The following PDGFRB variants were observed in gnomAD, a reference collection of about 807,000 sequenced individuals.
PDGFRB encodes the protein platelet derived growth factor receptor beta.
Under a neutral mutation model 120.2 loss-of-function variants are expected in PDGFRB, and 42 were observed. The ratio of observed to expected loss-of-function variants is 0.35; its 90% CI spans 0.27 to 0.45. PDGFRB has a LOEUF of 0.45. Among genes scored for constraint, PDGFRB ranks in the 20% least tolerant of loss-of-function variants. PDGFRB has a pLI of 1.00. For synonymous variants in PDGFRB, 586 were observed against 606.8 expected (o/e 0.97, Z 0.50); for missense variants, 1,149 against 1,476.3 (o/e 0.78, Z 3.63).
chr5:150,133,787 C>A (rs369845923), intron 5 of PDGFRB, 27 bp from the exon 6 acceptor site: 3 of 1,612,672 alleles, frequency 1.9e-6, no homozygotes, highest in Admixed American at 3.3e-5. Flanking sequence ...GGCAGGCCCC[C>A]CAAATCAGGA....
chr5:150,151,186 A>C (rs1580824326), intron 1 of PDGFRB, among the ~76,000 whole-genome samples: 1 of 152,224 alleles, frequency 6.6e-6, no homozygotes, highest in Admixed American at 6.5e-5. Flanking sequence ...GTACACAGCA[A>C]GGCTTGTGCA....
intron 22 of PDGFRB, 79 bp downstream of exon 22, chr5:150,117,527 AGCGCGCGCGCGC>A (rs148754488): frequency 3.6e-6 from 2 of 557,318 alleles, no homozygotes; most frequent in Non-Finnish European, 6.4e-6. Flanking sequence ...CAAACCTGGC[AGCGCGCGCGCGC>A]GCGCGCACAC....
At chr5:150,119,054 T>A (rs1291164949) in intron 20 of PDGFRB, among the ~76,000 whole-genome samples, 2 of 152,228 alleles carry the variant, frequency 1.3e-5, no homozygotes, top group African/African-American at 4.8e-5. Context: ...TTCCACATGG[T>A]TCCACAGGTT....
intron 1 of PDGFRB, among the ~76,000 whole-genome samples, chr5:150,144,411 C>G (rs2113924331): frequency 6.6e-6 from 1 of 152,308 alleles, no homozygotes. Context: ...CAAGCCAGGC[C>G]CTCACACTCG....
At chr5:150,150,614 G>C (rs1761050970) in intron 1 of PDGFRB, among the ~76,000 whole-genome samples, 1 of 152,142 alleles carries the variant, frequency 6.6e-6, no homozygotes, top group Non-Finnish European at 1.5e-5. Context: ...GTGGATGTAG[G>C]GGGCGGGGGC....
Position 150,114,850 on chromosome 5 carries a change from G to C in PDGFRB, c.*913C>G, listed in dbSNP as rs901979961. 1 of 233,462 alleles carries C rather than the reference G, an allele frequency of 4.3e-6. No individual in the cohort carries two copies. The highest frequency in any genetic ancestry group is 8.5e-6 in the Non-Finnish European group (1 of 118,090). The allele number at this position is 233,462 out of a possible 1,614,324, so 14.5% of individuals were successfully genotyped here. A position where few individuals can be genotyped will look rare whatever the true frequency, so the allele number is the denominator to read the frequency against. On this transcript the variant is annotated 3_prime_UTR_variant, in exon 23 of 23. Coordinates refer to ENST00000261799, the MANE Select transcript of PDGFRB (RefSeq NM_002609.4). ...GAAACTGAGGCCCAGAGAGGGTGAG[G>C]GATTCCTCCAAAGCCTCATAGCAGG... is the stretch of plus-strand genomic sequence containing the variant.
chr5:150,121,058 A>G lies in PDGFRB; in HGVS notation c.2464-48T>C, dbSNP rs1464859980. ...TGAGGCCTTGGGGACAATTGTGGGG[A>G]AAGACCCTTCATGTCAAGGGCTTTG... On this transcript the variant is annotated intron_variant, in intron 17 of 22. Coordinates refer to ENST00000261799, the MANE Select transcript of PDGFRB (RefSeq NM_002609.4). The surrounding 1 kb of genome is among the most constrained non-coding windows in gnomAD (Gnocchi z 4.1). The G allele has an allele frequency of 1.2e-6, 2 of 1,602,788 alleles. No individual in the cohort carries two copies. Among genetic ancestry groups the G allele is most frequent in the Non-Finnish European group, 1.7e-6 (2 of 1,170,050 alleles).
At position 150,118,813 on chromosome 5, in the gene PDGFRB, C is replaced by G. The variant is rs761730723; in HGVS notation, c.2838G>C (p.Glu946Asp). ...IMQKCWEEKF[E>D]IRPPFSQLVL... ...CCAGCTGGGAGAAGGGGGGCCGAATCTCAAACTTCTCTTCCCAGCACTTCT... is the reference window on the plus strand; with the variant it reads ...CCAGCTGGGAGAAGGGGGGCCGAATGTCAAACTTCTCTTCCCAGCACTTCT... The change falls in exon 21 of 23, where the codon GAG (glutamate) becomes GAC (aspartate). Residue 946 changes from glutamate to aspartate, a missense_variant. Transcript: ENST00000261799. The G allele has an allele frequency of 6.2e-6, 10 of 1,613,374 alleles. No homozygotes were observed. In the South Asian group the frequency reaches 1.1e-4, roughly 18 times the overall value.
chr5:150,119,129 G>A (rs539921329), intron 20 of PDGFRB, among the ~76,000 whole-genome samples: 2 of 152,352 alleles, frequency 1.3e-5, no homozygotes, highest in South Asian at 2.1e-4. Flanking sequence ...CAGCTTCCAC[G>A]GTTGGTTCTT....
chr5:150,148,962 G>T (rs776506941), intron 1 of PDGFRB, among the ~76,000 whole-genome samples: 2 of 152,226 alleles, frequency 1.3e-5, no homozygotes, highest in Non-Finnish European at 2.9e-5. Flanking sequence ...GGGCTCTTCA[G>T]CAAACAGGTA....
In PDGFRB at chr5:150,137,007, C is replaced by T. The variant is rs1760652277; in HGVS notation, c.40+1G>A. ...CCCTACCTTATCTCCCATCTACCCA[C>T]CTTTGAGGGCCAGAGCTGGCATCGC... On this transcript the variant is annotated splice_donor_variant, in intron 2 of 22. Coordinates refer to ENST00000261799, the MANE Select transcript of PDGFRB (RefSeq NM_002609.4). LOFTEE classifies it high-confidence loss of function. 1 of 1,613,186 alleles carries T rather than the reference C, an allele frequency of 6.2e-7. No homozygotes were observed. Among genetic ancestry groups the T allele is most frequent in the Non-Finnish European group, 8.5e-7 (1 of 1,179,272 alleles).
At chr5:150,134,285 T>C (rs1760561113) in intron 4 of PDGFRB, among the ~76,000 whole-genome samples, 1 of 152,200 alleles carries the variant, frequency 6.6e-6, no homozygotes, top group Admixed American at 6.5e-5. Flanking sequence ...TGGAGATCTA[T>C]GTACAGGAGA....
rs760980000 is a variant in PDGFRB, at chr5:150,120,981, G to A, written c.2493C>T (p.Asn831=). 98 of 1,613,730 alleles carry A rather than the reference G, an allele frequency of 6.1e-5. No homozygotes were observed. Among genetic ancestry groups the A allele is most frequent in the African/African-American group, 1.2e-4 (9 of 74,890 alleles). The stretch of plus-strand genomic sequence containing the variant: ...CCAGCTTGCCTTCACAGATGAGCAC[G>A]TTCCTAGCCGCCAGGTCTCTGTGGA... ...NCVHRDLAAR[N]VLICEGKLVK... The change falls in exon 18 of 23, where the codon AAC becomes AAT. Residue 831 remains asparagine, a synonymous_variant. Coordinates refer to ENST00000261799, the MANE Select transcript of PDGFRB (RefSeq NM_002609.4). The surrounding 1 kb of genome is among the most constrained non-coding windows in gnomAD (Gnocchi z 4.3).
At position 150,115,363 on chromosome 5, in the gene PDGFRB, C is replaced by T; in HGVS notation, c.*400G>A. 1 of 236,892 alleles carries T rather than the reference C, an allele frequency of 4.2e-6. No individual in the cohort carries two copies. The highest frequency in any genetic ancestry group is 8.3e-6 in the Non-Finnish European group (1 of 120,832). The allele number at this position is 236,892 out of a possible 1,614,324, so 14.7% of individuals were successfully genotyped here. ...ATTCCTTGAGGGGTAGCTGGCTGAACAGAAAAAAGTTAATTTACCACCTCA... is the reference window on the plus strand; with the variant it reads ...ATTCCTTGAGGGGTAGCTGGCTGAATAGAAAAAAGTTAATTTACCACCTCA... On this transcript the variant is annotated 3_prime_UTR_variant, in exon 23 of 23. Transcript: ENST00000261799.
At chr5:150,143,391 C>T (rs931791584) in intron 1 of PDGFRB, among the ~76,000 whole-genome samples, 2 of 152,118 alleles carry the variant, frequency 1.3e-5, no homozygotes, top group Admixed American at 6.5e-5. Context: ...GGCTGACATG[C>T]TGTGGCCCTC....
Position 150,120,888 on chromosome 5 carries a change from G to A in PDGFRB, c.2586C>T (p.Ser862=), listed in dbSNP as rs201662789. Residue 862 remains serine, a splice_region_variant and synonymous_variant, in exon 18 of 23, where the codon AGC becomes AGT. Coordinates refer to ENST00000261799, the MANE Select transcript of PDGFRB (RefSeq NM_002609.4). The surrounding 1 kb of genome is among the most constrained non-coding windows in gnomAD (Gnocchi z 4.3). ...TGCAGGGGCCAGGGAAGGTACTCAC[G>A]CTGCCTTTGGAGATGTAATTCGAGT... ...MRDSNYISKG[S]TFLPLKWMAP... is the part of the protein sequence containing the mutation. The A allele has an allele frequency of 4.8e-5, 78 of 1,613,722 alleles. 1 individual carries two copies. Among genetic ancestry groups the A allele is most frequent in the Non-Finnish European group, 5.7e-5 (67 of 1,179,796 alleles).
In PDGFRB at chr5:150,136,247, C is replaced by T. The variant is rs1447602844; in HGVS notation, c.41-369G>A. The stretch of plus-strand genomic sequence containing the variant: ...TGAGCCTCTTCCCTACAGCTCTCTG[C>T]CCCCTCCCCCGACTGCCCAGGTTCT... On this transcript the variant is annotated intron_variant, in intron 2 of 22. Coordinates refer to ENST00000261799, the MANE Select transcript of PDGFRB (RefSeq NM_002609.4). Among the ~76,000 whole-genome samples, 5 of 152,210 alleles carry T rather than the reference C, an allele frequency of 3.3e-5. No individual in the cohort carries two copies. The East Asian group carries it at 5.8e-4, about 18-fold the overall frequency.
rs1759885335 is a variant in PDGFRB at position 150,115,096 on chromosome 5, A to G, written c.*667T>C. On this transcript the variant is annotated 3_prime_UTR_variant, in exon 23 of 23. Coordinates refer to ENST00000261799, the MANE Select transcript of PDGFRB (RefSeq NM_002609.4). ...TGCGTGTGCTCCAAGTGCCCTGGGC[A>G]AGGGCTGCAGGCTGGGGGTGTCCTG... 1 of 233,024 alleles carries G rather than the reference A, an allele frequency of 4.3e-6. No homozygotes were observed. The highest frequency in any genetic ancestry group is 8.5e-6 in the Non-Finnish European group (1 of 117,974). 14.4% of individuals were successfully genotyped at this position (233,024 alleles called of 1,614,324 possible).
chr5:150,144,917 C>G (rs1412431096), intron 1 of PDGFRB, among the ~76,000 whole-genome samples: 1 of 152,162 alleles, frequency 6.6e-6, no homozygotes, highest in Non-Finnish European at 1.5e-5. Flanking sequence ...GGGCCTCCAA[C>G]AGCCTTAAAA....
Sources: allele counts gnomAD v4.1 joint callset (sites outside exome capture counted in the v4.1 genomes callset), GRCh38; gene constraint gnomAD v4.1.1; non-coding constraint Gnocchi (gnomAD v3.1); transcripts MANE v1.5; gene names NCBI Gene and HGNC (gene_info 2026-07-23, HGNC 2026-07-21).